The following ANG variants were observed in gnomAD, a reference collection of about 807,000 sequenced individuals.
ANG encodes angiogenin.
For synonymous variants in ANG, 74 were observed against 73.8 expected, an observed-to-expected ratio of 1.00 and a Z score of -0.02; for missense variants, 178 against 187.4, an observed-to-expected ratio of 0.95 and a Z score of 0.29.
At chr14:20,685,142 G>C (rs1363286614), upstream of ANG, among the ~76,000 whole-genome samples, 1 of 152,148 alleles carries the variant, frequency 6.6e-6, no homozygotes, top group African/African-American at 2.4e-5. Flanking sequence ...TTTTTTGCAA[G>C]CGTAACTAAC....
At chr14:20,690,042 C>G (rs1350875979) in intron 1 of ANG, among the ~76,000 whole-genome samples, 1 of 147,624 alleles carries the variant, frequency 6.8e-6, no homozygotes, top group African/African-American at 2.5e-5. Context: ...GGTGAAACCC[C>G]GTCTCTACTA....
chr14:20,687,943 T>C (rs1886500340), upstream of ANG, among the ~76,000 whole-genome samples: 1 of 152,198 alleles, frequency 6.6e-6, no homozygotes, highest in South Asian at 2.1e-4. Context: ...TGGGGGTCTG[T>C]GAAACAGTTG....
In ANG at chr14:20,693,749, C is replaced by G. The variant is rs148905586; in HGVS notation, c.185C>G (p.Pro62Arg). ...SIMRRRGLTS[P>R]CKDINTFIHG... ...ATGAGGAGACGGGGCCTGACCTCACCCTGCAAAGACATCAACACATTTATT... is the reference window on the plus strand; with the variant it reads ...ATGAGGAGACGGGGCCTGACCTCACGCTGCAAAGACATCAACACATTTATT... Residue 62 changes from proline (P) to arginine (R), a missense_variant, in exon 2 of 2, where the codon CCC (proline) becomes CGC (arginine). By Grantham distance (103) the Pro-to-Arg change is moderately radical (BLOSUM62 -2). Coordinates refer to ENST00000397990, the MANE Select transcript of ANG (RefSeq NM_001097577.3). 1 of 1,614,136 alleles carries G rather than the reference C, an allele frequency of 6.2e-7. No individual in the cohort carries two copies. The highest frequency in any genetic ancestry group is 8.5e-7 in the Non-Finnish European group (1 of 1,180,034).
upstream of ANG, chr14:20,684,639 A>G (rs929565811): frequency 6.6e-6 from 1 of 152,412 alleles, no homozygotes; most frequent in Non-Finnish European, 1.5e-5. Flanking sequence ...AGGATTCAAA[A>G]GAACATCTTT....
chr14:20,691,405 A>G (rs1886738224), intron 1 of ANG, among the ~76,000 whole-genome samples: 1 of 152,256 alleles, frequency 6.6e-6, no homozygotes, highest in South Asian at 2.1e-4. Context: ...GATCTTCCAA[A>G]AAACTAGAAA....
At chr14:20,692,234 G>A (rs1304671451) in intron 1 of ANG, among the ~76,000 whole-genome samples, 1 of 152,176 alleles carries the variant, frequency 6.6e-6, no homozygotes, top group African/African-American at 2.4e-5. Flanking sequence ...CTCAGTATGT[G>A]TGATGACTAC....
intron 1 of ANG, among the ~76,000 whole-genome samples, chr14:20,692,993 G>C (rs1210584630): frequency 1.3e-5 from 2 of 151,006 alleles, no homozygotes; most frequent in Admixed American, 1.3e-4. Flanking sequence ...GACTACAGGC[G>C]CCCGCCACTA....
chr14:20,688,905 T>C (rs1886553133), intron 1 of ANG, 31 bp downstream of exon 1: 1 of 966,684 alleles, frequency 1.0e-6, no homozygotes, highest in Non-Finnish European at 1.2e-6. Context: ...TTTTATATAT[T>C]ATTTCTAGCC....
Position 20,693,645 on chromosome 14 carries a change from C to T in ANG, c.81C>T (p.Asn27=). The change falls in exon 2 of 2, where the codon AAC becomes AAT. Residue 27 remains asparagine, a synonymous_variant. Transcript: ENST00000397990. The part of the protein sequence containing the change: ...GLTPPTLAQD[N]SRYTHFLTQH... Reference sequence around the variant, plus strand: ...CCCCACCGACCCTGGCTCAGGATAACTCCAGGTACACACACTTCCTGACCC... The same window carrying T: ...CCCCACCGACCCTGGCTCAGGATAATTCCAGGTACACACACTTCCTGACCC... 4 of 1,614,152 alleles carry T rather than the reference C, an allele frequency of 2.5e-6. No homozygotes were observed. The highest frequency in any genetic ancestry group is 3.4e-6 in the Non-Finnish European group (4 of 1,180,030).
chr14:20,689,181 C>G (rs1235372198), intron 1 of ANG, among the ~76,000 whole-genome samples: 1 of 152,174 alleles, frequency 6.6e-6, no homozygotes, highest in Non-Finnish European at 1.5e-5. Flanking sequence ...TCGTCCACCC[C>G]TGTTACAGGC....
At chr14:20,690,577 G>A (rs1886694156) in intron 1 of ANG, among the ~76,000 whole-genome samples, 2 of 152,118 alleles carry the variant, frequency 1.3e-5, no homozygotes, top group Non-Finnish European at 2.9e-5. Context: ...ATGTCTTAGG[G>A]AATCAAGATT....
upstream of ANG, among the ~76,000 whole-genome samples, chr14:20,687,079 A>G (rs563005484): frequency 3.3e-5 from 5 of 152,202 alleles, no homozygotes; most frequent in African/African-American, 4.8e-5. Flanking sequence ...GTTTTTTGCA[A>G]TTGGCGATTC....
intron 1 of ANG, 150 bp from the exon 2 acceptor site, chr14:20,693,397 G>T: frequency 9.8e-7 from 1 of 1,015,304 alleles, no homozygotes; most frequent in South Asian, 1.5e-5. Flanking sequence ...GAAGTGTGAG[G>T]TTAATGAGGA....
rs368734981 is a variant in ANG at position 20,691,465 on chromosome 14, G to A, written c.-18-2082G>A. ...AAAGCATGATGTAAATGTGAAGAAC[G>A]TGGCAAGTGGGTGGCTTGGCAGCCC... is the stretch of plus-strand genomic sequence containing the variant. On this transcript the variant is annotated intron_variant, in intron 1 of 1. Coordinates refer to ENST00000397990, the MANE Select transcript of ANG (RefSeq NM_001097577.3). 7.9e-5 allele frequency among the ~76,000 whole-genome samples: 12 copies of A among 152,346 alleles called. No homozygotes were observed. The South Asian group carries it at 2.5e-3, about 32-fold the overall frequency.
chr14:20,686,620 C>G (rs1886438555), upstream of ANG, among the ~76,000 whole-genome samples: 1 of 152,164 alleles, frequency 6.6e-6, no homozygotes, highest in Non-Finnish European at 1.5e-5. Context: ...GGTTGAAAAG[C>G]AAATGTTTAA....
upstream of ANG, among the ~76,000 whole-genome samples, chr14:20,688,248 C>G (rs1348620569): frequency 1.3e-5 from 2 of 152,174 alleles, no homozygotes; most frequent in African/African-American, 4.8e-5. Flanking sequence ...ATAGCTGTCA[C>G]ACAACCTTCT....
intron 1 of ANG, 113 bp from the exon 2 acceptor site, chr14:20,693,434 G>A (rs1316473087): frequency 1.0e-5 from 14 of 1,375,988 alleles, no homozygotes; most frequent in Non-Finnish European, 1.4e-5. Context: ...AAAATTTGGT[G>A]GTGGAAAAGA....
Position 20,693,677 on chromosome 14 carries a change from A to G in ANG, c.113A>G (p.Tyr38Cys), listed in dbSNP as rs1594210106. ...SRYTHFLTQHYDAKPQGRDDR... is the reference protein window; with the variant it reads ...SRYTHFLTQHCDAKPQGRDDR... The stretch of plus-strand genomic sequence containing the variant: ...TACACACACTTCCTGACCCAGCACT[A>G]TGATGCCAAACCACAGGGCCGGGAT... The change falls in exon 2 of 2, where the codon TAT becomes TGT. Residue 38 changes from tyrosine to cysteine, a missense_variant. By Grantham distance (194) the Tyr-to-Cys change is radical. Transcript: ENST00000397990. 6.2e-7 allele frequency: 1 copy of G among 1,614,156 alleles called. No homozygotes were observed. The highest frequency in any genetic ancestry group is 8.5e-7 in the Non-Finnish European group (1 of 1,180,032).
At chr14:20,693,337 G>C in intron 1 of ANG, 1 of 634,840 alleles carries the variant, frequency 1.6e-6, no homozygotes, top group South Asian at 1.9e-5. Context: ...TGGAGCTAGA[G>C]GTTGTGCTCA....
Sources: gnomAD v4.1 joint callset for allele counts (sites outside exome capture counted in the v4.1 genomes callset) on GRCh38, gnomAD v4.1.1 for gene constraint, MANE v1.5 for transcripts, NCBI Gene and HGNC (gene_info 2026-07-23, HGNC 2026-07-21) for gene names.